Variants in PRKG1 observed in about 807,000 individuals in gnomAD.
PRKG1 encodes protein kinase cGMP-dependent 1.
PRKG1 carries 35 observed loss-of-function variants against 88.1 expected under a neutral mutation model. The observed-to-expected ratio is 0.40, with a 90% CI of 0.30 to 0.53. The LOEUF is 0.53. PRKG1 is among the 20% of genes least tolerant of loss of function. The probability of loss-of-function intolerance (pLI) is 0.59; values close to 1 mark genes in which losing one functional copy is unlikely to be tolerated. For synonymous variants in PRKG1, 303 were observed against 292.5 expected (o/e 1.04, Z -0.37); for missense variants, 540 against 839.8 (o/e 0.64, Z 4.41).
intron 1 of PRKG1, among the ~76,000 whole-genome samples, chr10:51,135,734 T>C (rs978356524): frequency 6.6e-6 from 1 of 152,128 alleles, no homozygotes; most frequent in African/African-American, 2.4e-5. Context: ...TTTCAGTTTT[T>C]ACATGCAAAA....
chr10:51,390,846 C>T (rs1837376076), intron 2 of PRKG1, among the ~76,000 whole-genome samples: 1 of 152,002 alleles, frequency 6.6e-6, no homozygotes, highest in Non-Finnish European at 1.5e-5. Context: ...CTGTTACCTA[C>T]AGGGTAGAGG....
intron 2 of PRKG1, among the ~76,000 whole-genome samples, chr10:51,296,505 T>A (rs1431363830): frequency 6.6e-6 from 1 of 152,134 alleles, no homozygotes; most frequent in African/African-American, 2.4e-5. Flanking sequence ...ACTTTTCATT[T>A]CTGAGGCATC....
chr10:52,091,879 C>T (rs1417652390), intron 7 of PRKG1, among the ~76,000 whole-genome samples: 3 of 152,134 alleles, frequency 2.0e-5, no homozygotes, highest in Non-Finnish European at 4.4e-5. Context: ...GTGCAGCAAT[C>T]CCAAATGTAC....
intron 5 of PRKG1, among the ~76,000 whole-genome samples, chr10:51,957,661 A>G (rs1312272227): frequency 1.3e-5 from 2 of 152,194 alleles, no homozygotes; most frequent in Non-Finnish European, 2.9e-5. Flanking sequence ...ACTTTGAGTA[A>G]GTATATTGTT....
chr10:52,146,606 G>A (rs1837735113), intron 8 of PRKG1, among the ~76,000 whole-genome samples: 1 of 152,102 alleles, frequency 6.6e-6, no homozygotes, highest in African/African-American at 2.4e-5. Context: ...TATTTTCAAA[G>A]CCTATTATAG....
intron 2 of PRKG1, among the ~76,000 whole-genome samples, chr10:51,271,458 A>C (rs570908681): frequency 6.6e-6 from 1 of 152,286 alleles, no homozygotes; most frequent in East Asian, 1.9e-4. Flanking sequence ...TGTCCTATAA[A>C]TTGAGATGTG....
chr10:51,490,410 G>A (rs578201196), intron 3 of PRKG1, among the ~76,000 whole-genome samples: 24 of 152,142 alleles, frequency 1.6e-4, no homozygotes, highest in Non-Finnish European at 3.4e-4. Context: ...CTTTAAATAT[G>A]TAATACCAGA....
intron 2 of PRKG1, among the ~76,000 whole-genome samples, chr10:51,374,864 G>T (rs1842786414): frequency 6.6e-6 from 1 of 152,134 alleles, no homozygotes; most frequent in Admixed American, 6.5e-5. Flanking sequence ...TCCTTTGCTG[G>T]TTGTCAGACT....
At chr10:51,566,461 A>G (rs1440746376) in intron 3 of PRKG1, among the ~76,000 whole-genome samples, 1 of 152,222 alleles carries the variant, frequency 6.6e-6, no homozygotes, top group East Asian at 1.9e-4. Context: ...AGTGTTGAGA[A>G]CCAGTGGGCA....
At chr10:51,723,151 G>A (rs1842053081) in intron 3 of PRKG1, among the ~76,000 whole-genome samples, 1 of 152,068 alleles carries the variant, frequency 6.6e-6, no homozygotes, top group Admixed American at 6.6e-5. Flanking sequence ...GATATGTCAA[G>A]GTATTATAAT....
At chr10:51,355,769 C>T in intron 2 of PRKG1, among the ~76,000 whole-genome samples, 1 of 151,750 alleles carries the variant, frequency 6.6e-6, no homozygotes, top group East Asian at 1.9e-4. Flanking sequence ...TTAAAAATTG[C>T]CTAGGATTTT....
chr10:52,181,798 G>A lies in PRKG1; in HGVS notation c.1076+19835G>A, dbSNP rs1367930637. ...TTATGGCTGCATAGTATTCCATGGT[G>A]TATATGTGCCACATTTTCTTAATCC... is the stretch of plus-strand genomic sequence containing the variant. On this transcript the variant is annotated intron_variant, in intron 9 of 17. Transcript: ENST00000373980. 2.2e-3 allele frequency among the ~76,000 whole-genome samples: 124 copies of A among 57,110 alleles called. 1 individual carries two copies. Among genetic ancestry groups the A allele is most frequent in the African/African-American group, 6.1e-3 (92 of 15,094 alleles). 37.5% of individuals were successfully genotyped at this position (57,110 alleles called of 152,430 possible).
intron 1 of PRKG1, among the ~76,000 whole-genome samples, chr10:51,106,388 G>A (rs1244138694): frequency 6.6e-6 from 1 of 152,190 alleles, no homozygotes; most frequent in Non-Finnish European, 1.5e-5. Context: ...TTCAGCTAGA[G>A]AAACAGATGT....
intron 2 of PRKG1, among the ~76,000 whole-genome samples, chr10:51,392,801 G>C (rs1348885337): frequency 2.0e-5 from 3 of 148,512 alleles, no homozygotes; most frequent in African/African-American, 7.4e-5. Context: ...GCGGCTGGCC[G>C]GGCGGGGGGC....
intron 5 of PRKG1, among the ~76,000 whole-genome samples, chr10:52,045,933 A>G (rs1904005): frequency 0.98 from 149,226 of 152,114 alleles, 73,253 homozygotes; most frequent in South Asian, 1. Context: ...TCCTTCCCAC[A>G]GTAGAGTGAT....
intron 1 of PRKG1, among the ~76,000 whole-genome samples, chr10:51,093,672 GTA>G (rs1373190379): frequency 2.1e-5 from 3 of 145,160 alleles, no homozygotes; most frequent in African/African-American, 7.6e-5. Context: ...ATATATGTAT[GTA>G]TGTGTGTATA....
intron 9 of PRKG1, among the ~76,000 whole-genome samples, chr10:52,169,025 T>C (rs1246732412): frequency 6.6e-6 from 1 of 152,134 alleles, no homozygotes; most frequent in African/African-American, 2.4e-5. Flanking sequence ...AGATAGTAAT[T>C]GTAGCTGTGG....
At chr10:51,621,178 G>A (rs1839202597) in intron 3 of PRKG1, among the ~76,000 whole-genome samples, 1 of 151,514 alleles carries the variant, frequency 6.6e-6, no homozygotes, top group South Asian at 2.1e-4. Context: ...TGCTTCATTA[G>A]CTGTTCCTTA....
intron 1 of PRKG1, among the ~76,000 whole-genome samples, chr10:51,133,008 G>A (rs1288924360): frequency 6.6e-6 from 1 of 152,056 alleles, no homozygotes; most frequent in Non-Finnish European, 1.5e-5. Context: ...TGGAGGCTTG[G>A]TGTCTGCATT....
Sources: allele counts gnomAD v4.1 joint callset (sites outside exome capture counted in the v4.1 genomes callset), GRCh38; gene constraint gnomAD v4.1.1; transcripts MANE v1.5; gene names NCBI Gene and HGNC (gene_info 2026-07-23, HGNC 2026-07-21).